Variants in USH2A observed in about 807,000 individuals in gnomAD.
USH2A encodes the protein Usher syndrome 2A (autosomal recessive, mild).
Under a neutral mutation model 538.9 loss-of-function variants are expected in USH2A, and 443 were observed. The observed-to-expected ratio is 0.82, with a 90% CI of 0.76 to 0.89. USH2A has a LOEUF of 0.89. USH2A is among the 40% of genes least tolerant of loss of function. The pLI, the probability that USH2A is intolerant of heterozygous loss-of-function variation, is 0.00. For missense variants in USH2A, 6,633 were observed against 6,324.8 expected, an observed-to-expected ratio of 1.05 and a Z score of -1.65; for synonymous variants, 2,413 against 2,273.5, an observed-to-expected ratio of 1.06 and a Z score of -1.75.
At chr1:216,330,479 C>A (rs1369912180) in intron 4 of USH2A, among the ~76,000 whole-genome samples, 1 of 151,678 alleles carries the variant, frequency 6.6e-6, no homozygotes, top group African/African-American at 2.4e-5. Context: ...ATGTTCCAGG[C>A]AGGCATTAAT....
At position 215,648,578 on chromosome 1, in the gene USH2A, C is replaced by T. The variant is rs150350278; in HGVS notation, c.14532G>A (p.Thr4844=). ...SPQIGTLASR[T]ASFRWSPPMF... ...TGGGGGGACTCCACCGGAAGGAGGC[C>T]GTCCTTGAGGCCAGCGTCCCGATTT... is the stretch of plus-strand genomic sequence containing the variant. The change falls in exon 66 of 72, where the codon ACG becomes ACA. Residue 4844 remains threonine (T), a synonymous_variant. Coordinates refer to ENST00000307340, the MANE Select transcript of USH2A (RefSeq NM_206933.4). 24 of 1,614,168 alleles carry T rather than the reference C, an allele frequency of 1.5e-5. No homozygotes were observed. Among genetic ancestry groups the T allele is most frequent in the African/African-American group, 6.7e-5 (5 of 75,048 alleles).
intron 20 of USH2A, among the ~76,000 whole-genome samples, chr1:216,177,303 T>C (rs1005584810): frequency 3.9e-5 from 6 of 152,308 alleles, no homozygotes; most frequent in South Asian, 2.1e-4. Flanking sequence ...TTTCCCTTTA[T>C]GACATATGAT....
Position 215,675,610 on chromosome 1 carries a change from T to G in USH2A, c.12301A>C (p.Asn4101His). The G allele has an allele frequency of 6.2e-7, 1 of 1,614,158 alleles. No individual in the cohort carries two copies. Among genetic ancestry groups the G allele is most frequent in the Non-Finnish European group, 8.5e-7 (1 of 1,180,012 alleles). The change falls in exon 63 of 72, where the codon AAC becomes CAC. Residue 4101 changes from asparagine (N) to histidine (H), a missense_variant. Transcript: ENST00000307340. ...MRTNGVIKTY[N>H]IFSDGFLEYS... ...TCCAGGAACCCGTCACTGAAGATGT[T>G]GTATGTCTACAGAAGGACAGAAGCA...
At chr1:215,849,582 C>G (rs150257625) in intron 44 of USH2A, among the ~76,000 whole-genome samples, 2 of 151,840 alleles carry the variant, frequency 1.3e-5, no homozygotes, top group Non-Finnish European at 2.9e-5. Flanking sequence ...ATGAAATGCC[C>G]CAATAAACCT....
intron 21 of USH2A, among the ~76,000 whole-genome samples, chr1:216,139,158 C>T (rs2033548198): frequency 6.6e-6 from 1 of 152,056 alleles, no homozygotes; most frequent in Non-Finnish European, 1.5e-5. Context: ...CCTCTAATTA[C>T]CAACTGCTGA....
At chr1:215,959,418 T>G (rs556756575) in intron 37 of USH2A, among the ~76,000 whole-genome samples, 6 of 152,186 alleles carry the variant, frequency 3.9e-5, no homozygotes, top group African/African-American at 1.4e-4. Flanking sequence ...TCTTTCCCGG[T>G]CCTTACCTTC....
chr1:216,288,813 TA>T (rs1158313033), intron 11 of USH2A, among the ~76,000 whole-genome samples: 1 of 152,132 alleles, frequency 6.6e-6, no homozygotes, highest in Non-Finnish European at 1.5e-5. Flanking sequence ...TTTAAAATTA[TA>T]AAAAATCCAT....
chr1:216,331,694 TA>T (rs1346466132), intron 4 of USH2A, among the ~76,000 whole-genome samples: 46 of 152,296 alleles, frequency 3.0e-4, no homozygotes, highest in Non-Finnish European at 1.6e-4. Flanking sequence ...ATTTAATTTC[TA>T]TATACTAGTG....
chr1:216,365,390 T>G (rs2038576985), intron 3 of USH2A, among the ~76,000 whole-genome samples: 1 of 152,196 alleles, frequency 6.6e-6, no homozygotes, highest in Non-Finnish European at 1.5e-5. Flanking sequence ...GATATGTTAC[T>G]TCTTTAAATA....
intron 11 of USH2A, among the ~76,000 whole-genome samples, chr1:216,252,174 C>T (rs1026834925): frequency 3.3e-5 from 5 of 152,164 alleles, no homozygotes; most frequent in African/African-American, 1.2e-4. Context: ...ATAGTTAATA[C>T]TGTGTTGATT....
chr1:216,419,739 T>C (rs1352532213), intron 2 of USH2A, among the ~76,000 whole-genome samples: 1 of 152,096 alleles, frequency 6.6e-6, no homozygotes, highest in Non-Finnish European at 1.5e-5. Context: ...GTAGGAAGTA[T>C]CAGAGAGGCA....
chr1:215,968,207 A>G (rs1237689289), intron 36 of USH2A, among the ~76,000 whole-genome samples: 1 of 152,190 alleles, frequency 6.6e-6, no homozygotes, highest in Non-Finnish European at 1.5e-5. Flanking sequence ...AATGCACATT[A>G]GCATCTAAAA....
At chr1:215,833,193 A>G (rs1275669424) in intron 47 of USH2A, among the ~76,000 whole-genome samples, 6 of 151,924 alleles carry the variant, frequency 3.9e-5, no homozygotes, top group Non-Finnish European at 7.4e-5. Flanking sequence ...GTAGATATCA[A>G]TGACCTGTTT....
chr1:216,178,409 C>G (rs935853460), intron 20 of USH2A, among the ~76,000 whole-genome samples: 1 of 152,100 alleles, frequency 6.6e-6, no homozygotes. Flanking sequence ...AAATAAAAGG[C>G]TAAGCCATTC....
chr1:216,356,797 C>A (rs569853368), intron 4 of USH2A, among the ~76,000 whole-genome samples: 2 of 151,924 alleles, frequency 1.3e-5, no homozygotes, highest in African/African-American at 4.8e-5. Context: ...GTATTTAAGT[C>A]TTTGTCTAAT....
In USH2A at chr1:216,086,700, T is replaced by C. The variant is rs1461657462; in HGVS notation, c.4987+19A>G. ...TCTAAGTTTGGATGACAACATATAA[T>C]ATACCTTACTAAACTCACCAGGATC... is the stretch of plus-strand genomic sequence containing the variant. On this transcript the variant is annotated intron_variant, in intron 24 of 71. Transcript: ENST00000307340. The C allele has an allele frequency of 6.4e-7, 1 of 1,567,178 alleles. No homozygotes were observed. The highest frequency in any genetic ancestry group is 1.4e-5 in the African/African-American group (1 of 74,030).
chr1:215,786,993 A>T lies in USH2A; in HGVS notation c.10183-119T>A, dbSNP rs1471684631. The T allele has an allele frequency of 3.4e-6, 3 of 887,042 alleles. No homozygotes were observed. The Admixed American group carries it at 7.1e-5, about 21-fold the overall frequency. The allele number at this position is 887,042 out of a possible 1,614,324, so 54.9% of individuals were successfully genotyped here. A position where few individuals can be genotyped will look rare whatever the true frequency, so the allele number is the denominator to read the frequency against. On this transcript the variant is annotated intron_variant, in intron 51 of 71. Coordinates refer to ENST00000307340, the MANE Select transcript of USH2A (RefSeq NM_206933.4). ...TTTTCCTCCACTTACTTGATGAATGAATATTTCAAAATTTATAAAAAGAAA... is the reference window on the plus strand; with the variant it reads ...TTTTCCTCCACTTACTTGATGAATGTATATTTCAAAATTTATAAAAAGAAA...
intron 27 of USH2A, among the ~76,000 whole-genome samples, chr1:216,074,443 T>C (rs2031680639): frequency 6.6e-6 from 1 of 152,124 alleles, no homozygotes; most frequent in East Asian, 1.9e-4. Context: ...AAATAAAATA[T>C]AATGAAATGC....
At position 216,277,651 on chromosome 1, in the gene USH2A, T is replaced by C. The variant is rs561311939; in HGVS notation, c.1971+11629A>G. Among the ~76,000 whole-genome samples the C allele has an allele frequency of 2.6e-5, 4 of 152,270 alleles. No individual in the cohort carries two copies. The East Asian group carries it at 5.8e-4, about 22-fold the overall frequency. On this transcript the variant is annotated intron_variant, in intron 11 of 71. Coordinates refer to ENST00000307340, the MANE Select transcript of USH2A (RefSeq NM_206933.4). The stretch of plus-strand genomic sequence containing the variant: ...AAGACTCATTCTCCCTAGTCTTCAA[T>C]AGTACACAAATGTAGCTGCAAAGTG...
Sources: allele counts gnomAD v4.1 joint callset (sites outside exome capture counted in the v4.1 genomes callset), GRCh38; gene constraint gnomAD v4.1.1; transcripts MANE v1.5; gene names NCBI Gene and HGNC (gene_info 2026-07-23, HGNC 2026-07-21).